AMD1: variants seen among roughly 807,000 people sequenced by gnomAD.
AMD1 encodes S-adenosylmethionine decarboxylase proenzyme.
Under a neutral mutation model 40.2 loss-of-function variants are expected in AMD1, and 11 were observed. The ratio of observed to expected loss-of-function variants is 0.27; its 90% CI spans 0.17 to 0.45. The LOEUF (loss-of-function observed/expected upper bound fraction) is 0.45. AMD1 is among the 20% of genes least tolerant of loss of function. The pLI, the probability that AMD1 is intolerant of heterozygous loss-of-function variation, is 1.00. For synonymous variants in AMD1, 121 were observed against 130.8 expected (o/e 0.93, Z 0.51); for missense variants, 257 against 410.2 (o/e 0.63, Z 3.23).
In AMD1 at chr6:110,892,285, T is replaced by C; in HGVS notation, c.471-14T>C. 6.2e-7 allele frequency: 1 copy of C among 1,613,424 alleles called. No homozygotes were observed. The highest frequency in any genetic ancestry group is 1.1e-5 in the South Asian group (1 of 90,756). On this transcript the variant is annotated splice_polypyrimidine_tract_variant and intron_variant, in intron 5 of 8. Coordinates refer to ENST00000368885, the MANE Select transcript of AMD1 (RefSeq NM_001634.6). Reference sequence around the variant, plus strand: ...AATTGTCATTTTTAGGAACTATTTTTAATTTTTATTTAGGTACTTATATAC... The same window carrying C: ...AATTGTCATTTTTAGGAACTATTTTCAATTTTTATTTAGGTACTTATATAC...
upstream of AMD1, among the ~76,000 whole-genome samples, chr6:110,873,665 A>G (rs1344148759): frequency 2.0e-5 from 3 of 152,228 alleles, no homozygotes; most frequent in East Asian, 5.8e-4. Context: ...AGTAAAAGTA[A>G]TAACTTTGTT....
At chr6:110,892,851 A>G (rs1209112372) in intron 7 of AMD1, 24 bp downstream of exon 7, 2 of 1,613,518 alleles carry the variant, frequency 1.2e-6, no homozygotes, top group Non-Finnish European at 1.7e-6. Flanking sequence ...TATTGCTTCA[A>G]TAATTATTTA....
At chr6:110,857,730 G>GTATA in the AMD1 span, among the ~76,000 whole-genome samples, 10 of 135,718 alleles carry the variant, frequency 7.4e-5, no homozygotes, top group African/African-American at 2.6e-4. Flanking sequence ...TAGATGGTGT[G>GTATA]TATATATATA....
At chr6:110,879,043 T>G (rs1230461552) in intron 1 of AMD1, among the ~76,000 whole-genome samples, 2 of 152,168 alleles carry the variant, frequency 1.3e-5, no homozygotes, top group African/African-American at 2.4e-5. Flanking sequence ...ATAAAGCTTC[T>G]CGTTACATTC....
At chr6:110,857,531 C>CA in the AMD1 span, among the ~76,000 whole-genome samples, 2 of 106,122 alleles carry the variant, frequency 1.9e-5, no homozygotes, top group Non-Finnish European at 4.1e-5. Flanking sequence ...AACTCTGTCT[C>CA]AAAAAAAAAG....
the AMD1 span, among the ~76,000 whole-genome samples, chr6:110,863,443 C>T: frequency 6.6e-6 from 1 of 150,434 alleles, no homozygotes; most frequent in Admixed American, 6.7e-5. Context: ...AATCTCAGCT[C>T]ATTACAACCT....
At chr6:110,880,969 T>C (rs1318349777) in intron 1 of AMD1, among the ~76,000 whole-genome samples, 1 of 152,220 alleles carries the variant, frequency 6.6e-6, no homozygotes, top group Non-Finnish European at 1.5e-5. Flanking sequence ...GAAGTCTTGT[T>C]ATAATATAAT....
At chr6:110,827,432 T>G in the AMD1 span, among the ~76,000 whole-genome samples, 6 of 151,970 alleles carry the variant, frequency 3.9e-5, no homozygotes, top group Non-Finnish European at 7.4e-5. Flanking sequence ...CATGAGCCAC[T>G]GCACTGGGAC....
chr6:110,860,158 C>T, the AMD1 span, among the ~76,000 whole-genome samples: 1 of 151,998 alleles, frequency 6.6e-6, no homozygotes, highest in Non-Finnish European at 1.5e-5. Context: ...CTCCAGCCCT[C>T]CTTCTCCCCT....
At chr6:110,838,019 A>G in the AMD1 span, among the ~76,000 whole-genome samples, 2 of 147,074 alleles carry the variant, frequency 1.4e-5, no homozygotes, top group Non-Finnish European at 3.0e-5. Context: ...CAGAGATTGT[A>G]TCATTGCACT....
chr6:110,858,299 C>T, the AMD1 span: 9 of 891,072 alleles, frequency 1.0e-5, no homozygotes, highest in Admixed American at 5.8e-5. Context: ...GATCAAGAAC[C>T]GGCTCCTGTG....
chr6:110,876,504 ACG>A (rs1785124484), intron 1 of AMD1, among the ~76,000 whole-genome samples: 1 of 152,238 alleles, frequency 6.6e-6, no homozygotes, highest in Non-Finnish European at 1.5e-5. Flanking sequence ...CCAGGCAGAC[ACG>A]TGCTACCGAG....
chr6:110,862,872 T>C, the AMD1 span, among the ~76,000 whole-genome samples: 1 of 152,236 alleles, frequency 6.6e-6, no homozygotes, highest in Non-Finnish European at 1.5e-5. Flanking sequence ...GATTGCAGAC[T>C]CTTGGCTTGT....
chr6:110,883,788 G>A (rs938207696), intron 1 of AMD1, among the ~76,000 whole-genome samples: 7 of 151,710 alleles, frequency 4.6e-5, no homozygotes, highest in South Asian at 2.1e-4. Context: ...TAGTAGAGAC[G>A]GGGTTTCACC....
chr6:110,825,659 G>C, the AMD1 span, among the ~76,000 whole-genome samples: 1 of 152,170 alleles, frequency 6.6e-6, no homozygotes, highest in Non-Finnish European at 1.5e-5. Flanking sequence ...TAGTCAATCA[G>C]ATTTCAGAGC....
At chr6:110,847,717 TTTTTG>T in the AMD1 span, among the ~76,000 whole-genome samples, 1 of 144,810 alleles carries the variant, frequency 6.9e-6, no homozygotes, top group African/African-American at 2.5e-5. Flanking sequence ...TGTTTTTTGT[TTTTTG>T]TTTTTTTGAG....
intron 3 of AMD1, chr6:110,889,851 G>A (rs1423829222): frequency 6.4e-6 from 1 of 156,392 alleles, no homozygotes; most frequent in East Asian, 1.9e-4. Flanking sequence ...CTAAAGCAAT[G>A]TGTGCTTAAC....
the AMD1 span, among the ~76,000 whole-genome samples, chr6:110,851,429 G>GT: frequency 4.5e-3 from 680 of 151,616 alleles, 6 homozygotes; most frequent in African/African-American, 0.015. Flanking sequence ...AAGTTGTGGG[G>GT]TTTTTTGTTT....
the AMD1 span, among the ~76,000 whole-genome samples, chr6:110,865,943 A>G: frequency 6.6e-6 from 1 of 151,030 alleles, no homozygotes; most frequent in Non-Finnish European, 1.5e-5. Flanking sequence ...TTGAATTTTC[A>G]GTAGAGATGA....
Sources: allele counts gnomAD v4.1 joint callset (sites outside exome capture counted in the v4.1 genomes callset), GRCh38; gene constraint gnomAD v4.1.1; transcripts MANE v1.5; gene names NCBI Gene and HGNC (gene_info 2026-07-23, HGNC 2026-07-21).